LRRC37A2: variants seen among roughly 807,000 people sequenced by gnomAD.
The protein encoded by LRRC37A2 is leucine-rich repeat-containing protein 37A2.
LRRC37A2 carries 9 observed loss-of-function variants against 68.8 expected under a neutral mutation model. The ratio of observed to expected loss-of-function variants is 0.13; its 90% CI spans 0.08 to 0.23. The LOEUF (loss-of-function observed/expected upper bound fraction) is 0.23, where lower values mean the gene tolerates loss of function less well. Among genes scored for constraint, LRRC37A2 ranks in the 10% least tolerant of loss-of-function variants. LRRC37A2 has a pLI of 1.00. For synonymous variants in LRRC37A2, 63 were observed against 367.6 expected (o/e 0.17, Z 9.48); for missense variants, 168 against 950.4 (o/e 0.18, Z 10.82).
At chr17:46,812,230 G>T in the LRRC37A2 span, among the ~76,000 whole-genome samples, 1 of 152,186 alleles carries the variant, frequency 6.6e-6, no homozygotes, top group African/African-American at 2.4e-5. Context: ...GGATAAAGAA[G>T]GACCCTGCTT....
At chr17:46,974,455 C>A in the LRRC37A2 span, among the ~76,000 whole-genome samples, 2 of 152,182 alleles carry the variant, frequency 1.3e-5, no homozygotes, top group African/African-American at 4.8e-5. Flanking sequence ...GTCATCTCCG[C>A]CGGGCGCGGT....
the LRRC37A2 span, among the ~76,000 whole-genome samples, chr17:46,822,706 G>T: frequency 6.6e-6 from 1 of 152,196 alleles, no homozygotes; most frequent in East Asian, 1.9e-4. Flanking sequence ...CTTAGCTGGG[G>T]ATAAGGGGTG....
At chr17:46,709,764 G>A in the LRRC37A2 span, among the ~76,000 whole-genome samples, 23,314 of 152,056 alleles carry the variant, frequency 0.15, 3,519 homozygotes, top group East Asian at 0.6. Context: ...CAAAGTGCTG[G>A]GATTATAGGC....
chr17:46,896,452 A>AAAAGAAAAAG, the LRRC37A2 span, among the ~76,000 whole-genome samples: 1 of 65,834 alleles, frequency 1.5e-5, no homozygotes. Flanking sequence ...GAAAGAAAGA[A>AAAAGAAAAAG]AAAGAAAGAA....
At chr17:46,929,662 C>G in the LRRC37A2 span, 1 of 792,816 alleles carries the variant, frequency 1.3e-6, no homozygotes, top group Non-Finnish European at 2.3e-6. Context: ...TGACTGCACT[C>G]TGCCTTGGGG....
chr17:47,018,433 C>T, the LRRC37A2 span: 3 of 1,575,676 alleles, frequency 1.9e-6, no homozygotes, highest in Admixed American at 5.0e-5. Flanking sequence ...TCTGTGAAGC[C>T]TCCAGACGTG....
intron 8 of LRRC37A2, among the ~76,000 whole-genome samples, chr17:46,543,187 T>A (rs1299594034): frequency 2.0e-5 from 3 of 150,668 alleles, no homozygotes; most frequent in Non-Finnish European, 2.9e-5. Flanking sequence ...GAACTAAATG[T>A]CTTATGGGAG....
intron 8 of LRRC37A2, among the ~76,000 whole-genome samples, chr17:46,543,459 C>A (rs889049991): frequency 6.6e-6 from 1 of 150,894 alleles, no homozygotes; most frequent in African/African-American, 2.5e-5. Flanking sequence ...ATTTTTTAAG[C>A]CATGTTATGA....
At chr17:47,007,068 C>A in the LRRC37A2 span, among the ~76,000 whole-genome samples, 1 of 152,228 alleles carries the variant, frequency 6.6e-6, no homozygotes, top group Non-Finnish European at 1.5e-5. Context: ...GCAGTATTAA[C>A]CCTTTTCCCA....
the LRRC37A2 span, among the ~76,000 whole-genome samples, chr17:46,982,843 G>A: frequency 6.6e-6 from 1 of 152,220 alleles, no homozygotes; most frequent in African/African-American, 2.4e-5. Context: ...GGCAGCCACT[G>A]TCACTTGCTT....
chr17:46,569,028 C>T, the LRRC37A2 span, among the ~76,000 whole-genome samples: 4 of 134,220 alleles, frequency 3.0e-5, no homozygotes, highest in African/African-American at 5.9e-5. Flanking sequence ...CTGCAACCTC[C>T]GCCTCCTGGG....
chr17:46,932,026 C>T, the LRRC37A2 span: 3 of 1,606,386 alleles, frequency 1.9e-6, no homozygotes, highest in East Asian at 6.7e-5. Flanking sequence ...TTCTGCTGCC[C>T]TGAGTTCCTG....
the LRRC37A2 span, among the ~76,000 whole-genome samples, chr17:46,907,382 G>A: frequency 6.6e-6 from 1 of 151,928 alleles, no homozygotes; most frequent in Non-Finnish European, 1.5e-5. Context: ...GTGAGTACTC[G>A]GGGCACCTGG....
At chr17:47,014,382 TC>T in the LRRC37A2 span, among the ~76,000 whole-genome samples, 6 of 130,504 alleles carry the variant, frequency 4.6e-5, no homozygotes, top group Non-Finnish European at 7.8e-5. Flanking sequence ...AGAGCAAGAC[TC>T]CATCTCGAGA....
the LRRC37A2 span, among the ~76,000 whole-genome samples, chr17:46,630,968 C>A: frequency 7.3e-6 from 1 of 137,478 alleles, no homozygotes; most frequent in Admixed American, 7.6e-5. Context: ...CGAAGAATTT[C>A]TGTATACTAC....
At chr17:46,655,892 G>T in the LRRC37A2 span, among the ~76,000 whole-genome samples, 6 of 88,986 alleles carry the variant, frequency 6.7e-5, no homozygotes, top group South Asian at 3.3e-4. Flanking sequence ...TTTTTTTCAT[G>T]TTATCTAGAA....
the LRRC37A2 span, among the ~76,000 whole-genome samples, chr17:46,884,396 A>G: frequency 6.6e-6 from 1 of 152,166 alleles, no homozygotes; most frequent in African/African-American, 2.4e-5. Context: ...CCCCTCTCCA[A>G]GTTCAGGAAG....
At chr17:46,525,845 C>A (rs2052680327) in intron 6 of LRRC37A2, among the ~76,000 whole-genome samples, 1 of 90,006 alleles carries the variant, frequency 1.1e-5, no homozygotes, top group Admixed American at 1.1e-4. Context: ...GACTTTCATT[C>A]CTCAAGGAGG....
chr17:46,917,194 G>C, the LRRC37A2 span: 1 of 152,062 alleles, frequency 6.6e-6, no homozygotes, highest in Admixed American at 6.6e-5. Flanking sequence ...AAAGCCTGAA[G>C]TCCAAAGTCT....
Sources: allele counts gnomAD v4.1 joint callset (sites outside exome capture counted in the v4.1 genomes callset), GRCh38; gene constraint gnomAD v4.1.1; transcripts MANE v1.5; gene names NCBI Gene and HGNC (gene_info 2026-07-23, HGNC 2026-07-21).